The following PDGFC variants were observed in gnomAD, a reference collection of about 807,000 sequenced individuals.
PDGFC encodes the protein platelet-derived growth factor C.
PDGFC carries 12 observed loss-of-function variants against 35.5 expected under a neutral mutation model. That is an observed-to-expected ratio of 0.34 (90% CI 0.22 to 0.55). PDGFC has a LOEUF of 0.55. Ranked by LOEUF, PDGFC falls within the 20% of genes least tolerant of loss-of-function variation. The probability of loss-of-function intolerance (pLI) is 0.91; values close to 1 mark genes in which losing one functional copy is unlikely to be tolerated. For synonymous variants in PDGFC, 159 were observed against 148.8 expected, an observed-to-expected ratio of 1.07 and a Z score of -0.50; for missense variants, 322 against 412.4, an observed-to-expected ratio of 0.78 and a Z score of 1.90.
At chr4:156,966,453 T>C (rs1165947901) in intron 1 of PDGFC, among the ~76,000 whole-genome samples, 2 of 152,200 alleles carry the variant, frequency 1.3e-5, no homozygotes, top group Non-Finnish European at 2.9e-5. Context: ...GGAAACTTTT[T>C]TTTTTTACTA....
At chr4:156,835,089 G>A (rs2111035229) in intron 2 of PDGFC, among the ~76,000 whole-genome samples, 1 of 152,294 alleles carries the variant, frequency 6.6e-6, no homozygotes, top group Non-Finnish European at 1.5e-5. Flanking sequence ...TAGGGTCGGA[G>A]AGGGCTGCTA....
intron 3 of PDGFC, among the ~76,000 whole-genome samples, chr4:156,775,359 A>C (rs1043539800): frequency 9.8e-5 from 15 of 152,306 alleles, no homozygotes; most frequent in Non-Finnish European, 2.2e-4. Context: ...GTATTATTAC[A>C]AATGGAAAGT....
chr4:156,840,791 C>T (rs932567936), intron 2 of PDGFC, among the ~76,000 whole-genome samples: 13 of 152,164 alleles, frequency 8.5e-5, no homozygotes, highest in Admixed American at 5.2e-4. Context: ...TCAGCATGAT[C>T]GGAAAGTGAG....
At chr4:156,860,864 T>A (rs1007514533) in intron 1 of PDGFC, among the ~76,000 whole-genome samples, 2 of 152,116 alleles carry the variant, frequency 1.3e-5, no homozygotes, top group Non-Finnish European at 2.9e-5. Flanking sequence ...CAAGGAAATT[T>A]CAAGATTTTT....
chr4:156,930,840 G>C (rs746223791), intron 1 of PDGFC, among the ~76,000 whole-genome samples: 25 of 152,292 alleles, frequency 1.6e-4, no homozygotes, highest in African/African-American at 5.8e-4. Flanking sequence ...TTGCACTCCA[G>C]CCTGGGTGAG....
At chr4:156,852,154 C>T (rs1450851944) in intron 1 of PDGFC, among the ~76,000 whole-genome samples, 1 of 151,986 alleles carries the variant, frequency 6.6e-6, no homozygotes, top group Non-Finnish European at 1.5e-5. Flanking sequence ...CTTTTATATA[C>T]TCATAATATC....
chr4:156,781,992 ACAT>A (rs1730992480), intron 3 of PDGFC, among the ~76,000 whole-genome samples: 1 of 152,186 alleles, frequency 6.6e-6, no homozygotes, highest in Non-Finnish European at 1.5e-5. Context: ...GGTCTGTGTT[ACAT>A]GGAGTGGCAT....
intron 3 of PDGFC, chr4:156,778,320 T>C: frequency 4.3e-6 from 1 of 229,908 alleles, no homozygotes; most frequent in Non-Finnish European, 9.4e-6. Context: ...CTGGTGAATG[T>C]GGACCAGAAA....
In PDGFC at chr4:156,907,844, C is replaced by T. The variant is rs370602608; in HGVS notation, c.119-57428G>A. Among the ~76,000 whole-genome samples the T allele has an allele frequency of 3.3e-5, 5 of 152,132 alleles. No individual in the cohort carries two copies. In the East Asian group the frequency reaches 5.8e-4, roughly 18 times the overall value. ...CTCCAGGTCACCAAACATGTCCAGT[C>T]CTTCCTACTGTCTCCTCCAGTGTTA... On this transcript the variant is annotated intron_variant, in intron 1 of 5. Coordinates refer to ENST00000502773, the MANE Select transcript of PDGFC (RefSeq NM_016205.3).
At chr4:156,960,856 T>C (rs1421370777) in intron 1 of PDGFC, among the ~76,000 whole-genome samples, 1 of 152,100 alleles carries the variant, frequency 6.6e-6, no homozygotes, top group Admixed American at 6.6e-5. Context: ...GTCTTTAGCA[T>C]GCTTCCATAG....
rs77576325 is a variant in PDGFC at position 156,895,633 on chromosome 4, G to GAA, written c.119-45219_119-45218dup. On this transcript the variant is annotated intron_variant, in intron 1 of 5. Coordinates refer to ENST00000502773, the MANE Select transcript of PDGFC (RefSeq NM_016205.3). ...GGCGACAGAGCAAGACTCTGTCTCA[G>GAA]AAAAAAAAAAAAAAGTGGGTGCCAT... 7.9e-4 allele frequency among the ~76,000 whole-genome samples: 92 copies of GAA among 115,944 alleles called. 1 individual carries two copies. The highest frequency in any genetic ancestry group is 5.4e-3 in the Middle Eastern group (1 of 184). 76.1% of individuals were successfully genotyped at this position (115,944 alleles called of 152,430 possible).
At chr4:156,959,481 T>C (rs562896951) in intron 1 of PDGFC, among the ~76,000 whole-genome samples, 1 of 152,130 alleles carries the variant, frequency 6.6e-6, no homozygotes, top group East Asian at 1.9e-4. Flanking sequence ...AGTGTTTGAA[T>C]GAGCCCCAGA....
intron 2 of PDGFC, among the ~76,000 whole-genome samples, chr4:156,834,948 T>C (rs987394023): frequency 6.6e-6 from 1 of 151,710 alleles, no homozygotes; most frequent in Non-Finnish European, 1.5e-5. Context: ...ACTGAACAGC[T>C]TGATAGATTT....
At chr4:156,912,887 G>A (rs934808259) in intron 1 of PDGFC, among the ~76,000 whole-genome samples, 1 of 151,772 alleles carries the variant, frequency 6.6e-6, no homozygotes, top group Non-Finnish European at 1.5e-5. Flanking sequence ...AAAATAGCTG[G>A]AGGGATTAAA....
intron 2 of PDGFC, among the ~76,000 whole-genome samples, chr4:156,825,623 G>T (rs1405093223): frequency 1.7e-4 from 24 of 142,174 alleles, no homozygotes; most frequent in Non-Finnish European, 2.9e-4. Flanking sequence ...AGAAGAAGAA[G>T]AAGAAGAAGA....
At chr4:156,862,725 C>CT (rs34201954) in intron 1 of PDGFC, among the ~76,000 whole-genome samples, 7,945 of 147,188 alleles carry the variant, frequency 0.054, 233 homozygotes, top group Middle Eastern at 0.086. Flanking sequence ...ATCTCTCTCT[C>CT]TTTTTTTTTT....
chr4:156,920,504 A>G (rs535600656), intron 1 of PDGFC, among the ~76,000 whole-genome samples: 1 of 152,334 alleles, frequency 6.6e-6, no homozygotes, highest in African/African-American at 2.4e-5. Flanking sequence ...CAATGCCTCA[A>G]TAAAATGTCT....
At chr4:156,815,246 A>G (rs1732050661) in intron 2 of PDGFC, among the ~76,000 whole-genome samples, 2 of 151,826 alleles carry the variant, frequency 1.3e-5, no homozygotes, top group African/African-American at 2.4e-5. Context: ...CAATTATTCT[A>G]CCATTAATTT....
intron 1 of PDGFC, among the ~76,000 whole-genome samples, chr4:156,929,480 AT>A (rs1731498642): frequency 6.6e-6 from 1 of 151,654 alleles, no homozygotes; most frequent in African/African-American, 2.4e-5. Context: ...AAAAAGGCCA[AT>A]AAAAAAAACA....
Sources: allele counts gnomAD v4.1 joint callset (sites outside exome capture counted in the v4.1 genomes callset), GRCh38; gene constraint gnomAD v4.1.1; transcripts MANE v1.5; gene names NCBI Gene and HGNC (gene_info 2026-07-23, HGNC 2026-07-21).